OLFM3: variants seen among roughly 807,000 people sequenced by gnomAD.
The protein encoded by OLFM3 is olfactomedin 3, also known as noelin-3.
A neutral mutation model predicts 48.6 loss-of-function variants in OLFM3; 20 were observed. The observed-to-expected ratio is 0.41, with a 90% CI of 0.29 to 0.60. The LOEUF (loss-of-function observed/expected upper bound fraction) is 0.60, where lower values mean the gene tolerates loss of function less well. Ranked by LOEUF, OLFM3 falls within the 20% of genes least tolerant of loss-of-function variation. OLFM3 has a pLI of 0.28. For missense variants in OLFM3, 437 were observed against 544.3 expected (o/e 0.80, Z 1.96); for synonymous variants, 222 against 198.1 (o/e 1.12, Z -1.01).
At chr1:101,922,058 C>CA (rs113750994) in intron 1 of OLFM3, among the ~76,000 whole-genome samples, 20 of 144,804 alleles carry the variant, frequency 1.4e-4, no homozygotes, top group East Asian at 2.0e-4. Flanking sequence ...GACTCCATCT[C>CA]AAAAAAAAAA....
intron 1 of OLFM3, among the ~76,000 whole-genome samples, chr1:101,929,142 T>C (rs1197491190): frequency 1.3e-5 from 2 of 152,128 alleles, no homozygotes; most frequent in African/African-American, 2.4e-5. Flanking sequence ...GCAGCAGCAA[T>C]TGCACAGGTA....
intron 1 of OLFM3, among the ~76,000 whole-genome samples, chr1:101,970,693 A>G (rs1358633220): frequency 6.6e-6 from 1 of 152,200 alleles, no homozygotes; most frequent in African/African-American, 2.4e-5. Context: ...AAATCATAAT[A>G]TAATTAGCTT....
At chr1:101,923,021 CAA>C (rs1330133649) in intron 1 of OLFM3, among the ~76,000 whole-genome samples, 1 of 152,168 alleles carries the variant, frequency 6.6e-6, no homozygotes, top group Non-Finnish European at 1.5e-5. Context: ...CTCAAACAAG[CAA>C]AGTCATAGCA....
rs184319584 is a variant in OLFM3 at position 101,936,816 on chromosome 1, C to T, written c.69+59932G>A. 3.5e-3 allele frequency among the ~76,000 whole-genome samples: 529 copies of T among 152,160 alleles called. 3 individuals carry two copies. The highest frequency in any genetic ancestry group is 0.012 in the African/African-American group (486 of 41,506). ...AGAAATAAAGCTGCGCACCTACAAC[C>T]ATCTGATCTTTGACAAAGTCGACAA... is the stretch of plus-strand genomic sequence containing the variant. On this transcript the variant is annotated intron_variant, in intron 1 of 5. Coordinates refer to ENST00000370103, the MANE Select transcript of OLFM3 (RefSeq NM_058170.4).
intron 1 of OLFM3, among the ~76,000 whole-genome samples, chr1:101,987,907 C>A (rs770572923): frequency 6.6e-6 from 1 of 151,982 alleles, no homozygotes; most frequent in African/African-American, 2.4e-5. Flanking sequence ...GTTAATCATA[C>A]AAAATATTTA....
chr1:101,951,530 A>G (rs1431238004), intron 1 of OLFM3, among the ~76,000 whole-genome samples: 1 of 152,132 alleles, frequency 6.6e-6, no homozygotes, highest in Non-Finnish European at 1.5e-5. Flanking sequence ...AAAGGAAATG[A>G]TCTACCATCT....
chr1:101,975,100 T>C (rs567859173), intron 1 of OLFM3, among the ~76,000 whole-genome samples: 94 of 152,322 alleles, frequency 6.2e-4, no homozygotes, highest in African/African-American at 1.9e-3. Flanking sequence ...ATCATATAAT[T>C]ATCCCTGCTC....
chr1:101,887,826 GA>G (rs888324667), intron 1 of OLFM3, among the ~76,000 whole-genome samples: 62 of 145,362 alleles, frequency 4.3e-4, no homozygotes, highest in South Asian at 1.1e-3. Flanking sequence ...ACATTATACA[GA>G]AAAAAAAAAG....
At chr1:101,848,809 A>G (rs1287802675) in intron 1 of OLFM3, among the ~76,000 whole-genome samples, 1 of 152,150 alleles carries the variant, frequency 6.6e-6, no homozygotes, top group Non-Finnish European at 1.5e-5. Flanking sequence ...CAAGAGCTTA[A>G]TTTCCAAAAT....
At chr1:101,873,049 C>T (rs1657147882) in intron 1 of OLFM3, among the ~76,000 whole-genome samples, 1 of 151,898 alleles carries the variant, frequency 6.6e-6, no homozygotes. Context: ...CTTACATTTT[C>T]ACAAACTAAG....
rs1460749399 is a variant in OLFM3, at chr1:101,828,022, C to CTCTCTGTCTGTCTG, written c.372+2649_372+2650insCAGACAGACAGAGA. Among the ~76,000 whole-genome samples the CTCTCTGTCTGTCTG allele has an allele frequency of 3.2e-3, 292 of 91,240 alleles. 12 individuals carry two copies. The highest frequency in any genetic ancestry group is 5.7e-3 in the Non-Finnish European group (212 of 37,498). 59.9% of individuals were successfully genotyped at this position (91,240 alleles called of 152,430 possible). On this transcript the variant is annotated intron_variant, in intron 3 of 5. Coordinates refer to ENST00000370103, the MANE Select transcript of OLFM3 (RefSeq NM_058170.4). Reference sequence around the variant, plus strand: ...TTCTGCATTCATGCTCTCTCTCTCTCTCTCTCTCTCTGTCTGTCTGTCTGT... The same window carrying CTCTCTGTCTGTCTG: ...TTCTGCATTCATGCTCTCTCTCTCTCTCTCTGTCTGTCTGTCTCTCTCTCTGTCTGTCTGTCTGT...
chr1:101,971,082 A>C (rs945644), intron 1 of OLFM3, among the ~76,000 whole-genome samples: 80,422 of 152,022 alleles, frequency 0.53, 21,599 homozygotes, highest in East Asian at 0.73. Context: ...ATTCTGAAAT[A>C]ATTACATTTT....
intron 1 of OLFM3, among the ~76,000 whole-genome samples, chr1:101,839,463 A>G (rs1277908395): frequency 2.0e-5 from 3 of 152,224 alleles, no homozygotes; most frequent in Non-Finnish European, 2.9e-5. Context: ...GTATCTGGAC[A>G]TAAGCCCTGC....
chr1:101,905,137 G>GT (rs1342956399), intron 1 of OLFM3, among the ~76,000 whole-genome samples: 1 of 152,080 alleles, frequency 6.6e-6, no homozygotes, highest in Non-Finnish European at 1.5e-5. Flanking sequence ...TTTTTCATTA[G>GT]TAAGTCTTCA....
chr1:101,946,929 A>G (rs1189263014), intron 1 of OLFM3, among the ~76,000 whole-genome samples: 4 of 152,182 alleles, frequency 2.6e-5, no homozygotes, highest in African/African-American at 7.2e-5. Context: ...TTTATTGCAC[A>G]TAGTGAAGTA....
intron 1 of OLFM3, among the ~76,000 whole-genome samples, chr1:101,959,049 C>T (rs1482730731): frequency 6.6e-6 from 1 of 151,646 alleles, no homozygotes; most frequent in Non-Finnish European, 1.5e-5. Context: ...CCCCATTCCC[C>T]GCTTCCCACC....
chr1:101,991,144 T>A (rs1661398944), intron 1 of OLFM3, among the ~76,000 whole-genome samples: 3 of 130,198 alleles, frequency 2.3e-5, no homozygotes. Context: ...CATCATATTG[T>A]AGATTTAAAC....
intron 4 of OLFM3, among the ~76,000 whole-genome samples, chr1:101,824,643 A>AAACAACAACAAC (rs149607229): frequency 1.3e-5 from 2 of 150,418 alleles, no homozygotes; most frequent in African/African-American, 4.9e-5. Flanking sequence ...CCCACTAACC[A>AAACAACAACAAC]AACAACAACA....
chr1:101,816,326 A>C (rs968777495), intron 4 of OLFM3, among the ~76,000 whole-genome samples: 1 of 152,208 alleles, frequency 6.6e-6, no homozygotes, highest in Non-Finnish European at 1.5e-5. Flanking sequence ...GATGATGGTT[A>C]AGAAAGGTTT....
Sources: allele counts gnomAD v4.1 joint callset (sites outside exome capture counted in the v4.1 genomes callset), GRCh38; gene constraint gnomAD v4.1.1; transcripts MANE v1.5; gene names NCBI Gene and HGNC (gene_info 2026-07-23, HGNC 2026-07-21).